Variants in IFT80 observed in about 807,000 individuals in gnomAD.
The protein encoded by IFT80 is intraflagellar transport protein 80 homolog.
IFT80 carries 79 observed loss-of-function variants against 107.9 expected under a neutral mutation model. The observed-to-expected ratio is 0.73, with a 90% CI of 0.61 to 0.88. The LOEUF (loss-of-function observed/expected upper bound fraction) is 0.88. IFT80 is among the 40% of genes least tolerant of loss of function. IFT80 has a pLI of 0.00. For missense variants in IFT80, 797 were observed against 914.2 expected, an observed-to-expected ratio of 0.87 and a Z score of 1.65; for synonymous variants, 299 against 300.9, an observed-to-expected ratio of 0.99 and a Z score of 0.07.
intron 18 of IFT80, among the ~76,000 whole-genome samples, chr3:160,272,584 A>G (rs1713898679): frequency 6.6e-6 from 1 of 152,058 alleles, no homozygotes; most frequent in Non-Finnish European, 1.5e-5. Context: ...TCTCTTCTTA[A>G]AGCACACCCT....
intron 5 of IFT80, among the ~76,000 whole-genome samples, chr3:160,374,607 T>C (rs1711845882): frequency 6.6e-6 from 1 of 152,116 alleles, no homozygotes; most frequent in African/African-American, 2.4e-5. Flanking sequence ...CTGAAATTCT[T>C]GTAGTTCTTC....
At chr3:160,286,021 A>G (rs1163967793) in intron 12 of IFT80, among the ~76,000 whole-genome samples, 153 bp from the exon 13 acceptor site, 2 of 152,172 alleles carry the variant, frequency 1.3e-5, no homozygotes, top group African/African-American at 4.8e-5. Flanking sequence ...TAATGTGGTC[A>G]CATTTCTTAT....
chr3:160,365,708 T>C (rs1309157686), intron 6 of IFT80, among the ~76,000 whole-genome samples: 3 of 152,076 alleles, frequency 2.0e-5, no homozygotes, highest in African/African-American at 7.2e-5. Context: ...GTTGAGATAT[T>C]GAAGGCTGAC....
intron 5 of IFT80, among the ~76,000 whole-genome samples, chr3:160,367,170 A>G (rs1262621173): frequency 6.6e-6 from 1 of 152,032 alleles, no homozygotes; most frequent in Non-Finnish European, 1.5e-5. Context: ...TTCTTTATCT[A>G]GTCATCTGTT....
Position 160,328,190 on chromosome 3 carries a change from A to C in IFT80, c.778-8251T>G, listed in dbSNP as rs747135880. Among the ~76,000 whole-genome samples, 83 of 152,052 alleles carry C rather than the reference A, an allele frequency of 5.5e-4. 2 individuals are homozygous for C. The highest frequency in any genetic ancestry group is 9.1e-4 in the Non-Finnish European group (62 of 67,898). ...ATTACTAAAAAGTCTGGCCGAGTGC[A>C]GTAGCTCACACCTGTAATCCCAGCA... On this transcript the variant is annotated intron_variant, in intron 8 of 19. Transcript: ENST00000326448.
chr3:160,390,027 C>A (rs904568648), intron 1 of IFT80, among the ~76,000 whole-genome samples: 1 of 152,148 alleles, frequency 6.6e-6, no homozygotes, highest in Non-Finnish European at 1.5e-5. Flanking sequence ...GAAGGAGAAA[C>A]AGAATCAACT....
At chr3:160,381,447 T>C in intron 3 of IFT80, 56 bp downstream of exon 3, 1 of 1,283,032 alleles carries the variant, frequency 7.8e-7, no homozygotes, top group Non-Finnish European at 1.1e-6. Context: ...GCATAAATCA[T>C]ACTATTAAGT....
At chr3:160,360,273 T>A (rs1721397219) in intron 6 of IFT80, among the ~76,000 whole-genome samples, 1 of 152,060 alleles carries the variant, frequency 6.6e-6, no homozygotes. Flanking sequence ...AAGATCAAAT[T>A]AATGAAATAA....
At chr3:160,285,076 C>T (rs983201482) in intron 13 of IFT80, among the ~76,000 whole-genome samples, 1 of 152,106 alleles carries the variant, frequency 6.6e-6, no homozygotes, top group African/African-American at 2.4e-5. Context: ...TGGTGGCTCA[C>T]ATCTGTAATC....
chr3:160,262,326 A>G (rs568699751), intron 19 of IFT80, among the ~76,000 whole-genome samples: 1 of 152,202 alleles, frequency 6.6e-6, no homozygotes, highest in East Asian at 1.9e-4. Flanking sequence ...AAACCATGGG[A>G]AAAAAATATA....
At chr3:160,350,281 TG>T (rs1425643952) in intron 8 of IFT80, among the ~76,000 whole-genome samples, 1 of 151,674 alleles carries the variant, frequency 6.6e-6, no homozygotes, top group Non-Finnish European at 1.5e-5. Flanking sequence ...CTGGGAGTGG[TG>T]GTGGACGCCT....
At chr3:160,363,550 T>G (rs1721649398) in intron 6 of IFT80, among the ~76,000 whole-genome samples, 1 of 152,112 alleles carries the variant, frequency 6.6e-6, no homozygotes, top group South Asian at 2.1e-4. Flanking sequence ...GAGCCTGCAT[T>G]GCCAAGACAA....
chr3:160,356,206 C>A, intron 7 of IFT80, 56 bp from the exon 8 acceptor site: 1 of 1,401,684 alleles, frequency 7.1e-7, no homozygotes, highest in Non-Finnish European at 9.9e-7. Flanking sequence ...TTTGCAAAAA[C>A]TAAAAGAAAA....
chr3:160,322,574 T>C (rs1370221650), intron 8 of IFT80, among the ~76,000 whole-genome samples: 2 of 152,152 alleles, frequency 1.3e-5, no homozygotes, highest in Admixed American at 6.6e-5. Context: ...CTGGGTCAAA[T>C]GGTATTTCTA....
chr3:160,343,294 CAG>C (rs1299522088), intron 8 of IFT80, among the ~76,000 whole-genome samples: 3 of 152,156 alleles, frequency 2.0e-5, no homozygotes, highest in South Asian at 4.1e-4. Context: ...TATTCAAAGA[CAG>C]AGAAAATGAG....
intron 1 of IFT80, among the ~76,000 whole-genome samples, chr3:160,386,736 A>G (rs558482141): frequency 3.5e-4 from 53 of 152,226 alleles, no homozygotes; most frequent in African/African-American, 1.3e-3. Context: ...TCCTATTCCT[A>G]CATTTACCCC....
At position 160,277,448 on chromosome 3, in the gene IFT80, T is replaced by C; in HGVS notation, c.1957A>G (p.Lys653Glu). The C allele has an allele frequency of 6.2e-7, 1 of 1,610,108 alleles. No individual in the cohort carries two copies. Among genetic ancestry groups the C allele is most frequent in the Non-Finnish European group, 8.5e-7 (1 of 1,176,580 alleles). ...IDKVQYINSI[K>E]NLPSKESKMA... is the part of the protein sequence containing the mutation. The stretch of plus-strand genomic sequence containing the variant: ...TTTGATTCTTTAGATGGAAGATTTT[T>C]TATAGAATTGATGTACTGAACCTTA... Residue 653 changes from lysine (K) to glutamate (E), a missense_variant, in exon 18 of 20, where the codon AAA becomes GAA. By Grantham distance (56) the Lys-to-Glu change is moderately conservative (BLOSUM62 1). Coordinates refer to ENST00000326448, the MANE Select transcript of IFT80 (RefSeq NM_020800.3).
chr3:160,372,752 T>G (rs1361807163), intron 5 of IFT80, among the ~76,000 whole-genome samples: 2 of 152,200 alleles, frequency 1.3e-5, no homozygotes, highest in Admixed American at 6.5e-5. Flanking sequence ...CATTTCAAAG[T>G]CATTTGATAT....
In IFT80 at chr3:160,272,461, T is replaced by TGTC. The variant is rs1713887262; in HGVS notation, c.2100-3926_2100-3925insGAC. On this transcript the variant is annotated intron_variant, in intron 18 of 19. Coordinates refer to ENST00000326448, the MANE Select transcript of IFT80 (RefSeq NM_020800.3). ...ACAAATTGATCATTGTCGAAGTGAATGATGGGTACATTCAGACTATTCTCT... is the reference window on the plus strand; with the variant it reads ...ACAAATTGATCATTGTCGAAGTGAATGTCGATGGGTACATTCAGACTATTCTCT... 2.0e-5 allele frequency among the ~76,000 whole-genome samples: 3 copies of TGTC among 152,152 alleles called. No individual in the cohort carries two copies. In the South Asian group the frequency reaches 6.2e-4, roughly 32 times the overall value.
Sources: allele counts gnomAD v4.1 joint callset (sites outside exome capture counted in the v4.1 genomes callset), GRCh38; gene constraint gnomAD v4.1.1; transcripts MANE v1.5; gene names NCBI Gene and HGNC (gene_info 2026-07-23, HGNC 2026-07-21).